CUX1: variants seen among roughly 807,000 people sequenced by gnomAD.
CUX1 encodes cut like homeobox 1, also known as protein CASP.
In CUX1, 31 loss-of-function variants were observed where a neutral mutation model predicts 158.8. The observed-to-expected ratio is 0.20, with a 90% CI of 0.15 to 0.26. The LOEUF (loss-of-function observed/expected upper bound fraction) is 0.26. Ranked by LOEUF, CUX1 falls within the 10% of genes least tolerant of loss-of-function variation. The pLI is 1.00. For synonymous variants in CUX1, 879 were observed against 862.1 expected (o/e 1.02, Z -0.34); for missense variants, 1,589 against 2,014.6 (o/e 0.79, Z 4.04).
intron 23 of CUX1, among the ~76,000 whole-genome samples, chr7:102,243,759 G>A (rs1372307237): frequency 2.0e-5 from 3 of 151,872 alleles, no homozygotes; most frequent in Non-Finnish European, 2.9e-5. Context: ...CGGGCTTGGT[G>A]GTTCACGCCT....
At chr7:102,164,483 C>A (rs115146624) in intron 9 of CUX1, among the ~76,000 whole-genome samples, 1 of 152,228 alleles carries the variant, frequency 6.6e-6, no homozygotes, top group African/African-American at 2.4e-5. Flanking sequence ...GTGAGCTGCC[C>A]TCTTCCTGTT....
At chr7:101,886,889 CT>C (rs981652820) in intron 1 of CUX1, among the ~76,000 whole-genome samples, 3 of 152,158 alleles carry the variant, frequency 2.0e-5, no homozygotes, top group Admixed American at 6.5e-5. Context: ...AAATGGGAGG[CT>C]TGCTGAAGGG....
Position 101,958,844 on chromosome 7 carries a change from C to CTTTTTTT in CUX1, c.141+42641_141+42647dup, listed in dbSNP as rs10667965. Among the ~76,000 whole-genome samples, 3 of 65,816 alleles carry CTTTTTTT rather than the reference C, an allele frequency of 4.6e-5. 1 individual carries two copies. Among genetic ancestry groups the CTTTTTTT allele is most frequent in the African/African-American group, 1.8e-4 (3 of 16,782 alleles). The allele number at this position is 65,816 out of a possible 152,430, so 43.2% of individuals were successfully genotyped here. The stretch of plus-strand genomic sequence containing the variant: ...TTTTCTGTCATAAGGAGATGATGCC[C>CTTTTTTT]TTTTTTTTTTTTTTTTTTTTTTTTT... On this transcript the variant is annotated intron_variant, in intron 2 of 23. Transcript: ENST00000292535.
intron 8 of CUX1, among the ~76,000 whole-genome samples, chr7:102,129,849 G>C (rs1329075918): frequency 6.6e-6 from 1 of 152,134 alleles, no homozygotes; most frequent in Non-Finnish European, 1.5e-5. Flanking sequence ...GGTTCCATCT[G>C]ACTTGGAAAA....
At chr7:102,197,992 G>A (rs535893444) in intron 15 of CUX1, among the ~76,000 whole-genome samples, 4 of 152,300 alleles carry the variant, frequency 2.6e-5, no homozygotes, top group South Asian at 2.1e-4. Flanking sequence ...AGTAGCTCAC[G>A]CCTATAATTC....
intron 1 of CUX1, among the ~76,000 whole-genome samples, chr7:101,868,167 T>C (rs1798120059): frequency 6.6e-6 from 1 of 152,218 alleles, no homozygotes; most frequent in African/African-American, 2.4e-5. Context: ...GTAGAATCAT[T>C]CACTTGTGCC....
intron 2 of CUX1, among the ~76,000 whole-genome samples, chr7:102,005,302 AG>A (rs1192127551): frequency 6.6e-6 from 1 of 152,240 alleles, no homozygotes; most frequent in African/African-American, 2.4e-5. Flanking sequence ...ACCTGAGGCC[AG>A]GAGTTCGAGA....
chr7:102,027,855 C>T (rs1247200477), intron 2 of CUX1, among the ~76,000 whole-genome samples: 2 of 152,216 alleles, frequency 1.3e-5, no homozygotes, highest in Admixed American at 1.3e-4. Flanking sequence ...GAATGAGACT[C>T]TGTCTTCAAC....
intron 22 of CUX1, among the ~76,000 whole-genome samples, chr7:102,238,180 T>C (rs1203494568): frequency 6.6e-6 from 1 of 152,030 alleles, no homozygotes; most frequent in African/African-American, 2.4e-5. Context: ...CAGAGTCTTC[T>C]CTAAACTCCC....
intron 2 of CUX1, among the ~76,000 whole-genome samples, chr7:102,004,698 C>T (rs1459397035): frequency 1.3e-5 from 2 of 152,080 alleles, no homozygotes; most frequent in Non-Finnish European, 2.9e-5. Context: ...GTCCTGACCA[C>T]CGAGCCTGGT....
intron 8 of CUX1, among the ~76,000 whole-genome samples, chr7:102,131,215 T>C (rs2131304094): frequency 6.6e-6 from 1 of 152,184 alleles, no homozygotes; most frequent in Non-Finnish European, 1.5e-5. Flanking sequence ...AGAAATCCAA[T>C]TTCCGATCGA....
intron 1 of CUX1, among the ~76,000 whole-genome samples, chr7:101,886,765 C>A (rs377484552): frequency 6.6e-6 from 1 of 152,094 alleles, no homozygotes; most frequent in African/African-American, 2.4e-5. Flanking sequence ...TGGGCCTGGC[C>A]TTTGGAGGAG....
At chr7:102,189,248 C>G (rs1793999248) in intron 11 of CUX1, among the ~76,000 whole-genome samples, 1 of 151,964 alleles carries the variant, frequency 6.6e-6, no homozygotes, top group Non-Finnish European at 1.5e-5. Context: ...TTTCAGACAC[C>G]AGGAAAGCCT....
intron 1 of CUX1, among the ~76,000 whole-genome samples, chr7:101,914,726 T>C (rs535393877): frequency 6.6e-6 from 1 of 152,158 alleles, no homozygotes; most frequent in Non-Finnish European, 1.5e-5. Flanking sequence ...CTCAAACTCC[T>C]GACCTCGGGT....
At chr7:101,975,408 T>C (rs1041151440) in intron 2 of CUX1, among the ~76,000 whole-genome samples, 1 of 151,794 alleles carries the variant, frequency 6.6e-6, no homozygotes, top group African/African-American at 2.4e-5. Context: ...TTTTTTTTAA[T>C]CAGCTAGGCA....
At chr7:102,127,621 T>C (rs1314861197) in intron 8 of CUX1, among the ~76,000 whole-genome samples, 2 of 152,168 alleles carry the variant, frequency 1.3e-5, no homozygotes, top group African/African-American at 2.4e-5. Context: ...TTCTTGCTTA[T>C]CATTAAATAT....
In CUX1 at chr7:102,252,197, G is replaced by A; in HGVS notation, c.*3155G>A. On this transcript the variant is annotated 3_prime_UTR_variant, in exon 24 of 24. Coordinates refer to ENST00000292535, the MANE Select transcript of CUX1 (RefSeq NM_181552.4). ...AGCACTGTCTGTAATACTTCTAAGAGCTGCCACTAAAATAATACAGCAATC... is the reference window on the plus strand; with the variant it reads ...AGCACTGTCTGTAATACTTCTAAGAACTGCCACTAAAATAATACAGCAATC... 2 of 985,324 alleles carry A rather than the reference G, an allele frequency of 2.0e-6. No homozygotes were observed. The highest frequency in any genetic ancestry group is 2.4e-6 in the Non-Finnish European group (2 of 829,914). The allele number at this position is 985,324 out of a possible 1,614,324, so 61.0% of individuals were successfully genotyped here.
At position 101,877,030 on chromosome 7, in the gene CUX1, A is replaced by C. The variant is rs540887698; in HGVS notation, c.31-39085A>C. ...TTTCTATGATTTTTAATGTCTGATTATTTTCTTAGGTTAAATTTCTAAAAG... is the reference window on the plus strand; with the variant it reads ...TTTCTATGATTTTTAATGTCTGATTCTTTTCTTAGGTTAAATTTCTAAAAG... On this transcript the variant is annotated intron_variant, in intron 1 of 23. Coordinates refer to ENST00000292535, the MANE Select transcript of CUX1 (RefSeq NM_181552.4). Among the ~76,000 whole-genome samples the C allele has an allele frequency of 5.9e-5, 9 of 152,096 alleles. No homozygotes were observed. In the South Asian group the frequency reaches 1.7e-3, roughly 28 times the overall value.
chr7:101,842,784 G>A (rs1414166942), intron 1 of CUX1, among the ~76,000 whole-genome samples: 1 of 143,272 alleles, frequency 7.0e-6, no homozygotes, highest in Non-Finnish European at 1.5e-5. Context: ...TTTTCCTGAT[G>A]TATTGGTTTT....
Sources: gnomAD v4.1 joint callset for allele counts (sites outside exome capture counted in the v4.1 genomes callset) on GRCh38, gnomAD v4.1.1 for gene constraint, MANE v1.5 for transcripts, NCBI Gene and HGNC (gene_info 2026-07-23, HGNC 2026-07-21) for gene names.